The following KCNIP4 variants were observed in gnomAD, a reference collection of about 807,000 sequenced individuals.
KCNIP4 encodes Kv channel-interacting protein 4.
In KCNIP4, 12 loss-of-function variants were observed where a neutral mutation model predicts 34.0. That is an observed-to-expected ratio of 0.35 (90% CI 0.23 to 0.57). The LOEUF (loss-of-function observed/expected upper bound fraction) is 0.57. Ranked by LOEUF, KCNIP4 falls within the 20% of genes least tolerant of loss-of-function variation. The pLI, the probability that KCNIP4 is intolerant of heterozygous loss-of-function variation, is 0.83. For missense variants in KCNIP4, 238 were observed against 311.7 expected (o/e 0.76, Z 1.78); for synonymous variants, 124 against 102.2 (o/e 1.21, Z -1.29).
chr4:21,792,490 T>C (rs797009248), intron 1 of KCNIP4, among the ~76,000 whole-genome samples: 1 of 152,164 alleles, frequency 6.6e-6, no homozygotes, highest in Non-Finnish European at 1.5e-5. Context: ...AAGTAAATAA[T>C]GGAACAGATG....
At chr4:21,021,321 A>G (rs944378919) in intron 1 of KCNIP4, among the ~76,000 whole-genome samples, 1 of 152,204 alleles carries the variant, frequency 6.6e-6, no homozygotes, top group African/African-American at 2.4e-5. Context: ...TGGTCAGTGA[A>G]TATTACTTTA....
chr4:21,191,958 C>T (rs184833912), intron 1 of KCNIP4, among the ~76,000 whole-genome samples: 4 of 152,258 alleles, frequency 2.6e-5, no homozygotes, highest in Admixed American at 6.5e-5. Flanking sequence ...CTTTATGCTT[C>T]CAGTAGAGAT....
chr4:21,490,649 A>G (rs1029230164), intron 1 of KCNIP4, among the ~76,000 whole-genome samples: 1 of 152,330 alleles, frequency 6.6e-6, no homozygotes, highest in South Asian at 2.1e-4. Context: ...AAAGCCCAGA[A>G]GTGCACACTA....
intron 1 of KCNIP4, among the ~76,000 whole-genome samples, chr4:21,615,229 G>C (rs573831467): frequency 6.6e-6 from 1 of 152,014 alleles, no homozygotes; most frequent in African/African-American, 2.4e-5. Flanking sequence ...AAAGAAACTA[G>C]AAATAACTTT....
intron 1 of KCNIP4, among the ~76,000 whole-genome samples, chr4:21,565,925 T>C (rs988749536): frequency 2.0e-5 from 3 of 152,116 alleles, no homozygotes; most frequent in Non-Finnish European, 4.4e-5. Context: ...CAGCTCTGGA[T>C]ATCCAAGTAG....
At chr4:20,989,225 C>A (rs1331541004) in intron 1 of KCNIP4, among the ~76,000 whole-genome samples, 1 of 152,144 alleles carries the variant, frequency 6.6e-6, no homozygotes, top group Non-Finnish European at 1.5e-5. Flanking sequence ...TTTACAGGGT[C>A]CAACTACTAA....
intron 1 of KCNIP4, among the ~76,000 whole-genome samples, chr4:21,215,657 C>T (rs1757501353): frequency 1.3e-5 from 2 of 152,096 alleles, no homozygotes; most frequent in Admixed American, 6.6e-5. Context: ...GCACATCTTA[C>T]AGGATAGGTA....
intron 3 of KCNIP4, among the ~76,000 whole-genome samples, chr4:20,804,027 A>G (rs916863240): frequency 6.6e-6 from 1 of 152,196 alleles, no homozygotes; most frequent in African/African-American, 2.4e-5. Flanking sequence ...CAAATGATAT[A>G]AATTCAGTAA....
In KCNIP4 at chr4:21,666,938, G is replaced by C. The variant is rs981397580; in HGVS notation, c.61+281633C>G. Among the ~76,000 whole-genome samples the C allele has an allele frequency of 3.2e-4, 48 of 152,180 alleles. 1 individual carries two copies. The highest frequency in any genetic ancestry group is 2.6e-4 in the Admixed American group (4 of 15,276). Reference sequence around the variant, plus strand: ...CTGGAGGGAATAAACAGAGAAGAAAGAAGCATAGCAAGAAGTAGAAGGAGA... The same window carrying C: ...CTGGAGGGAATAAACAGAGAAGAAACAAGCATAGCAAGAAGTAGAAGGAGA... On this transcript the variant is annotated intron_variant, in intron 1 of 8. Coordinates refer to ENST00000382152, the MANE Select transcript of KCNIP4 (RefSeq NM_025221.6).
At chr4:21,134,416 TA>T (rs1338075302) in intron 1 of KCNIP4, among the ~76,000 whole-genome samples, 4 of 152,258 alleles carry the variant, frequency 2.6e-5, no homozygotes, top group African/African-American at 9.6e-5. Context: ...GTTGATTTAC[TA>T]TGTTATTGGT....
chr4:21,304,071 G>GAGAGAGAC, intron 1 of KCNIP4: 2 of 336,716 alleles, frequency 5.9e-6, no homozygotes, highest in Admixed American at 6.3e-5. Flanking sequence ...GAGAGAGACA[G>GAGAGAGAC]AGAGAGAGAG....
At chr4:21,928,500 A>G (rs571713694) in intron 1 of KCNIP4, among the ~76,000 whole-genome samples, 115 of 152,278 alleles carry the variant, frequency 7.6e-4, no homozygotes, top group African/African-American at 2.5e-3. Context: ...CTGTAATCAA[A>G]GAGTAAATCA....
intron 3 of KCNIP4, among the ~76,000 whole-genome samples, chr4:20,759,419 A>G (rs1224330783): frequency 6.6e-6 from 1 of 152,170 alleles, no homozygotes; most frequent in African/African-American, 2.4e-5. Context: ...GTAACAAGTG[A>G]CCTTGGGTGA....
chr4:21,007,188 A>G (rs1738646576), intron 1 of KCNIP4, among the ~76,000 whole-genome samples: 1 of 152,190 alleles, frequency 6.6e-6, no homozygotes, highest in Non-Finnish European at 1.5e-5. Context: ...AAGATCTTCA[A>G]GTGAATGTAA....
chr4:21,567,007 G>A (rs935817283), intron 1 of KCNIP4, among the ~76,000 whole-genome samples: 4 of 151,966 alleles, frequency 2.6e-5, no homozygotes, highest in East Asian at 1.9e-4. Context: ...TTTATATTAC[G>A]GTAACTATCA....
chr4:21,855,573 G>C (rs1724697907), intron 1 of KCNIP4: 1 of 152,172 alleles, frequency 6.6e-6, no homozygotes, highest in Non-Finnish European at 1.5e-5. Flanking sequence ...TTCCACCTGA[G>C]CCCTAGCAGT....
At chr4:21,663,138 T>C (rs1419470506) in intron 1 of KCNIP4, among the ~76,000 whole-genome samples, 1 of 152,228 alleles carries the variant, frequency 6.6e-6, no homozygotes, top group Non-Finnish European at 1.5e-5. Context: ...TCTAAACTGA[T>C]AATGTAGCCC....
chr4:20,818,987 C>T (rs543227422), intron 3 of KCNIP4, among the ~76,000 whole-genome samples: 8 of 136,080 alleles, frequency 5.9e-5, no homozygotes, highest in East Asian at 4.2e-4. Flanking sequence ...TGAGTTCAAG[C>T]GATTCTCCTG....
At chr4:21,556,257 G>A (rs186601736) in intron 1 of KCNIP4, among the ~76,000 whole-genome samples, 11 of 152,116 alleles carry the variant, frequency 7.2e-5, no homozygotes, top group African/African-American at 2.6e-4. Context: ...TTTAAATATG[G>A]TTCTGCCATT....
Sources: gnomAD v4.1 joint callset for allele counts (sites outside exome capture counted in the v4.1 genomes callset) on GRCh38, gnomAD v4.1.1 for gene constraint, MANE v1.5 for transcripts, NCBI Gene and HGNC (gene_info 2026-07-23, HGNC 2026-07-21) for gene names.